The following EGLN3 variants were observed in gnomAD, a reference collection of about 807,000 sequenced individuals.
The protein encoded by EGLN3 is egl-9 family hypoxia inducible factor 3.
Under a neutral mutation model 26.0 loss-of-function variants are expected in EGLN3, and 15 were observed. That is an observed-to-expected ratio of 0.58 (90% CI 0.39 to 0.89). The LOEUF (loss-of-function observed/expected upper bound fraction) is 0.89. Ranked by LOEUF, EGLN3 falls within the 40% of genes least tolerant of loss-of-function variation. The pLI is 0.00. For missense variants in EGLN3, 238 were observed against 311.6 expected, an observed-to-expected ratio of 0.76 and a Z score of 1.78; for synonymous variants, 147 against 127.2, an observed-to-expected ratio of 1.16 and a Z score of -1.05.
At position 33,946,740 on chromosome 14, in the gene EGLN3, G is replaced by A. The variant is rs137927962; in HGVS notation, c.357+3656C>T. 2.4e-3 allele frequency among the ~76,000 whole-genome samples: 358 copies of A among 152,274 alleles called. 4 individuals carry two copies. The highest frequency in any genetic ancestry group is 7.5e-3 in the African/African-American group (311 of 41,554). The stretch of plus-strand genomic sequence containing the variant: ...AGACTTAAAACACTGATGAAGGCTC[G>A]GAATTCTGCTAAACATTTCATAAAC... On this transcript the variant is annotated intron_variant, in intron 1 of 4. Transcript: ENST00000250457.
At chr14:33,927,792 A>C (rs1459456272) in intron 3 of EGLN3, among the ~76,000 whole-genome samples, 1 of 152,226 alleles carries the variant, frequency 6.6e-6, no homozygotes, top group African/African-American at 2.4e-5. Context: ...TGTAAATCAC[A>C]GTATGTTTAA....
At chr14:33,945,323 T>C (rs1158177910) in intron 1 of EGLN3, among the ~76,000 whole-genome samples, 1 of 152,222 alleles carries the variant, frequency 6.6e-6, no homozygotes, top group African/African-American at 2.4e-5. Flanking sequence ...TCTCAAACTC[T>C]GTGCTCTAAG....
intron 1 of EGLN3, among the ~76,000 whole-genome samples, chr14:33,945,329 C>G (rs1354819292): frequency 6.6e-6 from 1 of 152,204 alleles, no homozygotes; most frequent in African/African-American, 2.4e-5. Context: ...ACTCTGTGCT[C>G]TAAGAGCTAT....
chr14:33,939,588 A>T (rs987347590), intron 1 of EGLN3, among the ~76,000 whole-genome samples: 3 of 152,236 alleles, frequency 2.0e-5, no homozygotes, highest in African/African-American at 7.2e-5. Context: ...GAAAGAAATG[A>T]CACACAGCAA....
At chr14:33,946,524 A>G (rs1289817683) in intron 1 of EGLN3, among the ~76,000 whole-genome samples, 1 of 152,332 alleles carries the variant, frequency 6.6e-6, no homozygotes, top group African/African-American at 2.4e-5. Context: ...CCATCCTACA[A>G]TTCAAAGTAT....
rs35754061 is a variant in EGLN3, at chr14:33,924,941, T to TAAAAAAAAAAAAA, written c.*937_*949dup. ...GGGTGAGCTCATTAAAAAGGAAAAC[T>TAAAAAAAAAAAAA]AAAAAAAAAAAAAAAAAAAAAACAG... On this transcript the variant is annotated 3_prime_UTR_variant, in exon 5 of 5. Transcript: ENST00000250457. The TAAAAAAAAAAAAA allele has an allele frequency of 3.9e-5, 4 of 103,350 alleles. No individual in the cohort carries two copies. Among genetic ancestry groups the TAAAAAAAAAAAAA allele is most frequent in the Non-Finnish European group, 5.3e-5 (3 of 56,382 alleles). The allele number at this position is 103,350 out of a possible 1,614,324, so 6.4% of individuals were successfully genotyped here.
intron 1 of EGLN3, among the ~76,000 whole-genome samples, chr14:33,935,012 A>G (rs2064431372): frequency 1.3e-5 from 2 of 152,246 alleles, no homozygotes; most frequent in Non-Finnish European, 2.9e-5. Flanking sequence ...CCAGCTGCTA[A>G]GTAGAAATAC....
At chr14:33,948,030 C>CA (rs917415197) in intron 1 of EGLN3, among the ~76,000 whole-genome samples, 2 of 151,644 alleles carry the variant, frequency 1.3e-5, no homozygotes, top group African/African-American at 4.9e-5. Flanking sequence ...GACTCCATCT[C>CA]AAAAAAATAA....
rs937148455 is a variant in EGLN3, at chr14:33,950,982, C to G, written c.-230G>C. 2 of 555,892 alleles carry G rather than the reference C, an allele frequency of 3.6e-6. No individual in the cohort carries two copies. The highest frequency in any genetic ancestry group is 3.8e-5 in the African/African-American group (2 of 52,836). The allele number at this position is 555,892 out of a possible 1,614,324, so 34.4% of individuals were successfully genotyped here. A position where few individuals can be genotyped will look rare whatever the true frequency, so the allele number is the denominator to read the frequency against. On this transcript the variant is annotated 5_prime_UTR_variant, in exon 1 of 5. Transcript: ENST00000250457. ...GGGAGTGGTGCGGAGCTCCACGACC[C>G]GTTTCCGGACTGGCCCGGCGAGCAG...
intron 1 of EGLN3, among the ~76,000 whole-genome samples, chr14:33,944,128 ATTATT>A (rs1259011039): frequency 6.6e-6 from 1 of 151,934 alleles, no homozygotes; most frequent in African/African-American, 2.4e-5. Flanking sequence ...AATTATTATT[ATTATT>A]TTTCTTGAGA....
chr14:33,945,122 T>A (rs1265281659), intron 1 of EGLN3, among the ~76,000 whole-genome samples: 3 of 152,172 alleles, frequency 2.0e-5, no homozygotes, highest in African/African-American at 7.2e-5. Flanking sequence ...ATACAAAAGC[T>A]TTTATAGGAA....
intron 1 of EGLN3, 168 bp from the exon 2 acceptor site, chr14:33,931,383 T>C: frequency 1.1e-6 from 1 of 915,692 alleles, no homozygotes. Flanking sequence ...GACTCTTCTG[T>C]GCACAATGGC....
chr14:33,933,089 A>G (rs1310390761), intron 1 of EGLN3, among the ~76,000 whole-genome samples: 2 of 152,178 alleles, frequency 1.3e-5, no homozygotes, highest in Non-Finnish European at 2.9e-5. Flanking sequence ...GCTCTTCTCT[A>G]AGGAAAAGGT....
chr14:33,945,672 T>C (rs911557696), intron 1 of EGLN3, among the ~76,000 whole-genome samples: 3 of 152,232 alleles, frequency 2.0e-5, no homozygotes, highest in African/African-American at 7.2e-5. Flanking sequence ...CCAGCTGTCC[T>C]GGATGTTAAG....
chr14:33,930,157 T>C (rs896863627), intron 2 of EGLN3, among the ~76,000 whole-genome samples: 1 of 152,216 alleles, frequency 6.6e-6, no homozygotes, highest in Non-Finnish European at 1.5e-5. Context: ...TAGCAGGAAC[T>C]CAAATATTTG....
At chr14:33,931,015 A>G (rs1278039785) in intron 2 of EGLN3, 81 bp downstream of exon 2, 13 of 1,578,172 alleles carry the variant, frequency 8.2e-6, no homozygotes, top group East Asian at 2.2e-5. Flanking sequence ...TATGAACTCA[A>G]TATAAACTCT....
intron 1 of EGLN3, among the ~76,000 whole-genome samples, chr14:33,947,373 G>A (rs1188508781): frequency 1.3e-5 from 2 of 152,170 alleles, no homozygotes; most frequent in African/African-American, 4.8e-5. Flanking sequence ...CTCCAGCAAA[G>A]ATGAGGTAGA....
chr14:33,950,210 G>A (rs925415481), intron 1 of EGLN3, 186 bp downstream of exon 1: 1 of 635,388 alleles, frequency 1.6e-6, no homozygotes. Flanking sequence ...GCCCCTTAAC[G>A]TTGACTTTCG....
rs983817966 is a variant in EGLN3 at position 33,925,440 on chromosome 14, A to G, written c.*451T>C. Reference sequence around the variant, plus strand: ...TTAAGAACATCTGGAAATTGTTCAGATGACACAAATTTCTCTGTTTCCTGC... The same window carrying G: ...TTAAGAACATCTGGAAATTGTTCAGGTGACACAAATTTCTCTGTTTCCTGC... On this transcript the variant is annotated 3_prime_UTR_variant, in exon 5 of 5. Transcript: ENST00000250457. 6.1e-6 allele frequency: 1 copy of G among 162,882 alleles called. No individual in the cohort carries two copies. The highest frequency in any genetic ancestry group is 2.4e-5 in the African/African-American group (1 of 41,550). 10.1% of individuals were successfully genotyped at this position (162,882 alleles called of 1,614,324 possible). A position where few individuals can be genotyped will look rare whatever the true frequency, so the allele number is the denominator to read the frequency against.
Sources: gnomAD v4.1 joint callset for allele counts (sites outside exome capture counted in the v4.1 genomes callset) on GRCh38, gnomAD v4.1.1 for gene constraint, MANE v1.5 for transcripts, NCBI Gene and HGNC (gene_info 2026-07-23, HGNC 2026-07-21) for gene names.